TNFRSF1B: variants seen among roughly 807,000 people sequenced by gnomAD.
TNFRSF1B encodes TNF receptor superfamily member 1B.
Under a neutral mutation model 44.6 loss-of-function variants are expected in TNFRSF1B, and 19 were observed. The ratio of observed to expected loss-of-function variants is 0.43; its 90% CI spans 0.30 to 0.62. The LOEUF (loss-of-function observed/expected upper bound fraction) is 0.62, where lower values mean the gene tolerates loss of function less well. Among genes scored for constraint, TNFRSF1B ranks in the 20% least tolerant of loss-of-function variants. TNFRSF1B has a pLI of 0.16. For synonymous variants in TNFRSF1B, 252 were observed against 261.1 expected (o/e 0.97, Z 0.34); for missense variants, 541 against 619.9 (o/e 0.87, Z 1.35).
chr1:12,188,896 G>A lies in TNFRSF1B; in HGVS notation c.178+1G>A. The stretch of plus-strand genomic sequence containing the variant: ...ATGTGCTGCAGCAAATGCTCGCCGG[G>A]TGAGGGCAGCCACGGGGGCACTCGG... On this transcript the variant is annotated splice_donor_variant, in intron 2 of 9. Transcript: ENST00000376259. LOFTEE classifies it high-confidence loss of function. 1 of 1,612,830 alleles carries A rather than the reference G, an allele frequency of 6.2e-7. No individual in the cohort carries two copies.
At chr1:12,174,325 G>A (rs1638603943) in intron 1 of TNFRSF1B, among the ~76,000 whole-genome samples, 1 of 151,636 alleles carries the variant, frequency 6.6e-6, no homozygotes, top group African/African-American at 2.4e-5. Context: ...TTGGCTCACT[G>A]CAACCTCTGC....
Position 12,202,003 on chromosome 1 carries a change from G to C in TNFRSF1B, c.937G>C (p.Gly313Arg). 6.2e-7 allele frequency: 1 copy of C among 1,613,064 alleles called. No individual in the cohort carries two copies. The highest frequency in any genetic ancestry group is 8.5e-7 in the Non-Finnish European group (1 of 1,179,846). Residue 313 changes from glycine (G) to arginine (R), a missense_variant, in exon 9 of 10, where the codon GGC (glycine) becomes CGC (arginine). Coordinates refer to ENST00000376259, the MANE Select transcript of TNFRSF1B (RefSeq NM_001066.3). ...TGCCGATAAGGCCCGGGGTACACAGGGCCCCGAGCAGCAGCACCTGCTGAT... is the reference window on the plus strand; with the variant it reads ...TGCCGATAAGGCCCGGGGTACACAGCGCCCCGAGCAGCAGCACCTGCTGAT... ...LPADKARGTQ[G>R]PEQQHLLITA...
At chr1:12,173,712 G>T (rs372242396) in intron 1 of TNFRSF1B, among the ~76,000 whole-genome samples, 2 of 152,206 alleles carry the variant, frequency 1.3e-5, no homozygotes, top group Admixed American at 1.3e-4. Context: ...ATGGGTGCAG[G>T]CTGCTCTGAC....
intron 8 of TNFRSF1B, among the ~76,000 whole-genome samples, chr1:12,196,105 A>G (rs2101114872): frequency 6.6e-6 from 1 of 152,322 alleles, no homozygotes; most frequent in East Asian, 1.9e-4. Context: ...GTTCAAGACT[A>G]GTCTGGCCAT....
chr1:12,203,488 C>T (rs17884213), intron 9 of TNFRSF1B, among the ~76,000 whole-genome samples: 30,547 of 152,080 alleles, frequency 0.2, 3,476 homozygotes, highest in Non-Finnish European at 0.27. Context: ...TTCCTACCTG[C>T]CCCCAACTGC....
intron 1 of TNFRSF1B, among the ~76,000 whole-genome samples, chr1:12,184,855 C>T (rs573553561): frequency 2.0e-4 from 31 of 152,264 alleles, no homozygotes; most frequent in Admixed American, 3.9e-4. Flanking sequence ...ATGAAGCCCG[C>T]GGGATGCAGG....
In TNFRSF1B at chr1:12,207,228, G is replaced by C; in HGVS notation, c.*208G>C. 2.0e-6 allele frequency: 1 copy of C among 488,632 alleles called. No homozygotes were observed. 30.3% of individuals were successfully genotyped at this position (488,632 alleles called of 1,614,324 possible). Reference sequence around the variant, plus strand: ...CAGCGAGTTGTGGAAAGCCTCTGCTGCCATGGCGTGTCCCTCTCGGAAGGC... The same window carrying C: ...CAGCGAGTTGTGGAAAGCCTCTGCTCCCATGGCGTGTCCCTCTCGGAAGGC... On this transcript the variant is annotated 3_prime_UTR_variant, in exon 10 of 10. Coordinates refer to ENST00000376259, the MANE Select transcript of TNFRSF1B (RefSeq NM_001066.3).
At chr1:12,183,370 T>G (rs905816585) in intron 1 of TNFRSF1B, among the ~76,000 whole-genome samples, 14 of 152,168 alleles carry the variant, frequency 9.2e-5, no homozygotes, top group Non-Finnish European at 1.9e-4. Context: ...ATCTGTGAAA[T>G]GGGCACAATC....
chr1:12,193,406 T>A (rs187659512), intron 6 of TNFRSF1B, among the ~76,000 whole-genome samples: 7 of 152,238 alleles, frequency 4.6e-5, no homozygotes, highest in Admixed American at 2.6e-4. Flanking sequence ...CGAGACTCCA[T>A]CTCTATAAAA....
chr1:12,183,071 A>G (rs1488342350), intron 1 of TNFRSF1B, among the ~76,000 whole-genome samples: 2 of 152,260 alleles, frequency 1.3e-5, no homozygotes, highest in African/African-American at 4.8e-5. Flanking sequence ...AAGACCAGAC[A>G]GTGGGTCTAA....
At position 12,202,131 on chromosome 1, in the gene TNFRSF1B, C is replaced by A. The variant is rs758217163; in HGVS notation, c.1065C>A (p.Ala355=). The change falls in exon 9 of 10, where the codon GCC becomes GCA. Residue 355 remains alanine (A), a synonymous_variant. Transcript: ENST00000376259. ...RNQPQAPGVE[A]SGAGEARAST... ...AGCCACAGGCACCAGGCGTGGAGGC[C>A]AGTGGGGCCGGGGAGGCCCGGGCCA... 131 of 1,560,606 alleles carry A rather than the reference C, an allele frequency of 8.4e-5. No individual in the cohort carries two copies. Among genetic ancestry groups the A allele is most frequent in the Non-Finnish European group, 1.1e-4 (128 of 1,152,970 alleles).
At chr1:12,206,635 C>T in intron 9 of TNFRSF1B, 105 bp from the exon 10 acceptor site, 3 of 1,293,604 alleles carry the variant, frequency 2.3e-6, no homozygotes, top group Non-Finnish European at 3.1e-6. Context: ...CGGCTCCTGG[C>T]CCAGTGCTCT....
rs1389460294 is a variant in TNFRSF1B, at chr1:12,186,260, A to G, written c.79-2536A>G. ...TTTCTAGCCCTGCTTGTCACTCGCTATAGGTGCAGCCAAACGCTCAGCAGG... is the reference window on the plus strand; with the variant it reads ...TTTCTAGCCCTGCTTGTCACTCGCTGTAGGTGCAGCCAAACGCTCAGCAGG... On this transcript the variant is annotated intron_variant, in intron 1 of 9. Coordinates refer to ENST00000376259, the MANE Select transcript of TNFRSF1B (RefSeq NM_001066.3). The surrounding 1 kb of genome is among the most constrained non-coding windows in gnomAD (Gnocchi z 4.8). 6.6e-6 allele frequency among the ~76,000 whole-genome samples: 1 copy of G among 152,142 alleles called. No homozygotes were observed. Among genetic ancestry groups the G allele is most frequent in the African/African-American group, 2.4e-5 (1 of 41,422 alleles).
At chr1:12,181,798 T>G (rs5745991) in intron 1 of TNFRSF1B, among the ~76,000 whole-genome samples, 19,038 of 152,148 alleles carry the variant, frequency 0.13, 1,255 homozygotes, top group Middle Eastern at 0.17. Flanking sequence ...CCAGCCCAAC[T>G]CTGCCCCACA....
chr1:12,174,160 T>TCTTCTTCTTCTTCTTCTTCTC (rs1553162433), intron 1 of TNFRSF1B, among the ~76,000 whole-genome samples: 3 of 67,918 alleles, frequency 4.4e-5, no homozygotes, highest in Non-Finnish European at 6.1e-5. Context: ...TTCTTCTTCT[T>TCTTCTTCTTCTTCTTCTTCTC]CTTCTCCTTC....
intron 1 of TNFRSF1B, among the ~76,000 whole-genome samples, chr1:12,175,942 C>T (rs956890162): frequency 5.9e-5 from 9 of 152,070 alleles, no homozygotes; most frequent in African/African-American, 9.6e-5. Flanking sequence ...AGGCCGGGCA[C>T]GGTGGCTCAC....
chr1:12,192,601 G>T, intron 5 of TNFRSF1B, 77 bp downstream of exon 5: 2 of 1,392,390 alleles, frequency 1.4e-6, no homozygotes, highest in South Asian at 1.2e-5. Flanking sequence ...AGGACACAGA[G>T]CAGCTCACCA....
intron 4 of TNFRSF1B, 139 bp from the exon 5 acceptor site, chr1:12,192,276 CTGTGTGTGTGTGTGTG>C (rs4044500): frequency 2.2e-5 from 15 of 688,726 alleles, no homozygotes; most frequent in Non-Finnish European, 3.1e-5. Flanking sequence ...GTACAGGCAT[CTGTGTGTGTGTGTGTG>C]TGTGTGTGTG....
intron 1 of TNFRSF1B, among the ~76,000 whole-genome samples, chr1:12,172,104 C>T (rs905865700): frequency 3.9e-5 from 6 of 152,118 alleles, no homozygotes; most frequent in Non-Finnish European, 5.9e-5. Flanking sequence ...CACTCACTGA[C>T]GGTGACTCAG....
Sources: gnomAD v4.1 joint callset for allele counts (sites outside exome capture counted in the v4.1 genomes callset) on GRCh38, gnomAD v4.1.1 for gene constraint, Gnocchi (gnomAD v3.1) non-coding constraint, MANE v1.5 for transcripts, NCBI Gene and HGNC (gene_info 2026-07-23, HGNC 2026-07-21) for gene names.